CLVS1: variants seen among roughly 807,000 people sequenced by gnomAD.
CLVS1 encodes the protein clavesin 1.
CLVS1 carries 10 observed loss-of-function variants against 33.1 expected under a neutral mutation model. The observed-to-expected ratio is 0.30, with a 90% CI of 0.19 to 0.51. The LOEUF (loss-of-function observed/expected upper bound fraction) is 0.51. CLVS1 is among the 20% of genes least tolerant of loss of function. The pLI is 0.97. For synonymous variants in CLVS1, 163 were observed against 166.1 expected (o/e 0.98, Z 0.14); for missense variants, 343 against 433.4 (o/e 0.79, Z 1.85).
chr8:61,017,850 A>T, the CLVS1 span, among the ~76,000 whole-genome samples: 1 of 152,228 alleles, frequency 6.6e-6, no homozygotes, highest in Non-Finnish European at 1.5e-5. Flanking sequence ...ACCTGGTTGA[A>T]TGCCATCAGT....
At chr8:61,106,055 A>G (rs1805531660) in intron 1 of CLVS1, among the ~76,000 whole-genome samples, 1 of 152,174 alleles carries the variant, frequency 6.6e-6, no homozygotes, top group African/African-American at 2.4e-5. Flanking sequence ...ATCATGCTAT[A>G]GTTATTTGCC....
At chr8:61,092,242 G>A (rs943165925) in intron 1 of CLVS1, among the ~76,000 whole-genome samples, 1 of 152,148 alleles carries the variant, frequency 6.6e-6, no homozygotes. Flanking sequence ...TTATGTCCCT[G>A]TATCAGTAAC....
At chr8:61,018,960 A>C in the CLVS1 span, among the ~76,000 whole-genome samples, 5 of 152,172 alleles carry the variant, frequency 3.3e-5, no homozygotes, top group East Asian at 7.7e-4. Flanking sequence ...AGGCCAACTG[A>C]GCTTTAGTGA....
chr8:60,976,089 G>A, the CLVS1 span, among the ~76,000 whole-genome samples: 1 of 152,066 alleles, frequency 6.6e-6, no homozygotes, highest in Non-Finnish European at 1.5e-5. Flanking sequence ...CCATCACTTT[G>A]ATCTTTCAAT....
intron 2 of CLVS1, among the ~76,000 whole-genome samples, chr8:61,277,739 C>T (rs1408930020): frequency 6.6e-6 from 1 of 152,112 alleles, no homozygotes; most frequent in Non-Finnish European, 1.5e-5. Context: ...TTGATAATAA[C>T]GTCCGTAGAT....
chr8:61,380,538 A>T (rs1380739193), intron 3 of CLVS1, among the ~76,000 whole-genome samples: 1 of 152,224 alleles, frequency 6.6e-6, no homozygotes, highest in African/African-American at 2.4e-5. Flanking sequence ...TATAAATATT[A>T]GTTCAAAAAA....
intron 2 of CLVS1, among the ~76,000 whole-genome samples, chr8:61,251,541 C>G (rs1808948830): frequency 6.6e-6 from 1 of 152,074 alleles, no homozygotes; most frequent in Non-Finnish European, 1.5e-5. Flanking sequence ...TCTGTCTGGT[C>G]CTGGGCTTTT....
chr8:61,235,850 T>C (rs948442854), intron 2 of CLVS1, among the ~76,000 whole-genome samples: 4 of 152,170 alleles, frequency 2.6e-5, no homozygotes, highest in African/African-American at 9.7e-5. Flanking sequence ...GCCAAGATCA[T>C]TTGAGACTTT....
intron 2 of CLVS1, among the ~76,000 whole-genome samples, chr8:61,182,865 C>A (rs1340509322): frequency 6.8e-6 from 1 of 147,452 alleles, no homozygotes; most frequent in Non-Finnish European, 1.5e-5. Flanking sequence ...TATTGCAGCA[C>A]TATTTACAAT....
intron 2 of CLVS1, among the ~76,000 whole-genome samples, chr8:61,152,358 G>C (rs1008753277): frequency 6.6e-6 from 1 of 152,146 alleles, no homozygotes; most frequent in Admixed American, 6.5e-5. Context: ...ACTACCTCCT[G>C]TCTCAGCCCG....
At chr8:61,416,302 C>CATACATACA (rs1397954928) in intron 3 of CLVS1, among the ~76,000 whole-genome samples, 2 of 92,232 alleles carry the variant, frequency 2.2e-5, no homozygotes, top group Non-Finnish European at 4.4e-5. Flanking sequence ...AGCTAGCTAG[C>CATACATACA]TAGATACATA....
At chr8:61,104,951 C>T (rs1432919286) in intron 1 of CLVS1, among the ~76,000 whole-genome samples, 2 of 152,168 alleles carry the variant, frequency 1.3e-5, no homozygotes, top group Non-Finnish European at 1.5e-5. Context: ...GCCTCAGCCT[C>T]CCAAGTAGCT....
intron 2 of CLVS1, among the ~76,000 whole-genome samples, chr8:61,207,051 C>A (rs1040095106): frequency 6.6e-6 from 1 of 152,220 alleles, no homozygotes; most frequent in Admixed American, 6.5e-5. Flanking sequence ...AATGAAAGAG[C>A]TCACGAAGCA....
chr8:60,991,506 T>C, the CLVS1 span, among the ~76,000 whole-genome samples: 1 of 152,200 alleles, frequency 6.6e-6, no homozygotes, highest in Non-Finnish European at 1.5e-5. Flanking sequence ...CCTTATCAGA[T>C]CCAGATCCTA....
At chr8:61,099,549 A>T (rs1805410955) in intron 1 of CLVS1, among the ~76,000 whole-genome samples, 1 of 152,152 alleles carries the variant, frequency 6.6e-6, no homozygotes, top group Non-Finnish European at 1.5e-5. Context: ...GTCATGAGTG[A>T]TTGTGGAGAT....
At position 61,500,678 on chromosome 8, in the gene CLVS1, T is replaced by C. The variant is rs1804693953; in HGVS notation, c.*1136T>C. ...ATATATGATATCCTTACTTGTGCCA[T>C]GTTTTCCAAGACCAGTGCATATTTT... is the stretch of plus-strand genomic sequence containing the variant. On this transcript the variant is annotated 3_prime_UTR_variant, in exon 6 of 6. Coordinates refer to ENST00000325897, the MANE Select transcript of CLVS1 (RefSeq NM_173519.3). The C allele has an allele frequency of 6.6e-6, 1 of 152,252 alleles. No homozygotes were observed. Among genetic ancestry groups the C allele is most frequent in the Non-Finnish European group, 1.5e-5 (1 of 68,042 alleles). 9.4% of individuals were successfully genotyped at this position (152,252 alleles called of 1,614,324 possible). A position where few individuals can be genotyped will look rare whatever the true frequency, so the allele number is the denominator to read the frequency against.
intron 2 of CLVS1, among the ~76,000 whole-genome samples, chr8:61,359,454 C>G (rs1458874980): frequency 6.6e-6 from 1 of 151,956 alleles, no homozygotes; most frequent in Non-Finnish European, 1.5e-5. Context: ...TTCACAGGTT[C>G]AAGTGATTCT....
At chr8:61,446,463 A>G (rs1816760789) in intron 3 of CLVS1, among the ~76,000 whole-genome samples, 1 of 152,168 alleles carries the variant, frequency 6.6e-6, no homozygotes, top group Non-Finnish European at 1.5e-5. Flanking sequence ...TCCAAAGTTG[A>G]GAGGTTGTAT....
At chr8:61,306,080 T>TCA (rs1810616342) in intron 2 of CLVS1, among the ~76,000 whole-genome samples, 3 of 152,184 alleles carry the variant, frequency 2.0e-5, no homozygotes, top group Admixed American at 2.0e-4. Context: ...GGTCAAGTGG[T>TCA]ATTTCTGTCT....
Sources: allele counts gnomAD v4.1 joint callset (sites outside exome capture counted in the v4.1 genomes callset), GRCh38; gene constraint gnomAD v4.1.1; transcripts MANE v1.5; gene names NCBI Gene and HGNC (gene_info 2026-07-23, HGNC 2026-07-21).